DNAH7: variants seen among roughly 807,000 people sequenced by gnomAD.
DNAH7 encodes axonemal beta dynein heavy chain 7.
A neutral mutation model predicts 444.6 loss-of-function variants in DNAH7; 397 were observed. The observed-to-expected ratio is 0.89, with a 90% CI of 0.82 to 0.97. The LOEUF is 0.97. Among genes scored for constraint, DNAH7 ranks in the 50% least tolerant of loss-of-function variants. DNAH7 has a pLI of 0.00. For synonymous variants in DNAH7, 1,636 were observed against 1,624.4 expected (o/e 1.01, Z -0.17); for missense variants, 4,902 against 4,800.8 (o/e 1.02, Z -0.62).
rs530113667 is a variant in DNAH7 at position 195,948,548 on chromosome 2, A to G, written c.3078+8713T>C. On this transcript the variant is annotated intron_variant, in intron 19 of 64. Transcript: ENST00000312428. ...TCCCAACACCATTTATTAAATAGGG[A>G]ACGCCTTCCTCATTGCTTGTTTTTG... Among the ~76,000 whole-genome samples the G allele has an allele frequency of 7.9e-5, 12 of 152,276 alleles. 1 individual carries two copies. The East Asian group carries it at 2.3e-3, about 29-fold the overall frequency.
chr2:195,857,281 GC>G (rs1417279473), intron 44 of DNAH7, 95 bp downstream of exon 44: 2 of 1,068,602 alleles, frequency 1.9e-6, no homozygotes, highest in Non-Finnish European at 2.6e-6. Flanking sequence ...TTTCCAAGGA[GC>G]CTCTCACTTA....
intron 12 of DNAH7, among the ~76,000 whole-genome samples, chr2:195,993,435 A>C (rs1292003014): frequency 6.6e-6 from 1 of 152,178 alleles, no homozygotes; most frequent in Non-Finnish European, 1.5e-5. Flanking sequence ...AAATACAAAA[A>C]GTCTAAAATA....
Position 195,864,675 on chromosome 2 carries a change from G to T in DNAH7, c.6980C>A (p.Ser2327Tyr), listed in dbSNP as rs1700215256. ...RFAIEHISRI[S>Y]RILKQPRSHA... ...GCTGCGAGGCTGCTTCAGGATCCTGGAAATTCTGCTGATGTGCTCTATGGC... is the reference window on the plus strand; with the variant it reads ...GCTGCGAGGCTGCTTCAGGATCCTGTAAATTCTGCTGATGTGCTCTATGGC... Residue 2327 changes from serine (S) to tyrosine (Y), a missense_variant, in exon 41 of 65, where the codon TCC becomes TAC. Coordinates refer to ENST00000312428, the MANE Select transcript of DNAH7 (RefSeq NM_018897.3). 6.2e-7 allele frequency: 1 copy of T among 1,614,084 alleles called. No individual in the cohort carries two copies. The highest frequency in any genetic ancestry group is 1.7e-5 in the Admixed American group (1 of 60,004).
chr2:195,888,685 G>A (rs1168935670), intron 32 of DNAH7, 114 bp downstream of exon 32: 4 of 1,116,162 alleles, frequency 3.6e-6, no homozygotes, highest in South Asian at 1.7e-5. Flanking sequence ...ATCACAGATC[G>A]CTCTTAAAAG....
rs770376614 is a variant in DNAH7 at position 195,872,446 on chromosome 2, AGAAATTCATCTG to A, written c.6425_6436del (p.Pro2142_Phe2145del). The A allele has an allele frequency of 1.0e-5, 16 of 1,593,564 alleles. No individual in the cohort carries two copies. The African/African-American group carries it at 2.0e-4, about 20-fold the overall frequency. ...ATTTACGATTTGTGTGGTCAAATCT[AGAAATTCATCTG>A]GAAATTTATAACTTAAAAATTTTTT... On this transcript the variant is annotated inframe_deletion, in exon 40 of 65. Transcript: ENST00000312428.
chr2:196,001,293 C>T (rs1694019499), intron 11 of DNAH7, among the ~76,000 whole-genome samples: 1 of 152,206 alleles, frequency 6.6e-6, no homozygotes, highest in African/African-American at 2.4e-5. Flanking sequence ...ACCCAAATTT[C>T]CCAATTATGT....
chr2:195,873,627 A>G lies in DNAH7; in HGVS notation c.6354T>C (p.Phe2118=). The change falls in exon 39 of 65, where the codon TTT becomes TTC. Residue 2118 remains phenylalanine, a synonymous_variant. Transcript: ENST00000312428. Reference sequence around the variant, plus strand: ...AGATTGTATACATGGATTTATCACTAAACTCATTGATTGTTATAATATTGA... The same window carrying G: ...AGATTGTATACATGGATTTATCACTGAACTCATTGATTGTTATAATATTGA... ...RHFNIITINE[F]SDKSMYTIFS... is the part of the protein sequence containing the mutation. 6.6e-7 allele frequency: 1 copy of G among 1,526,194 alleles called. No individual in the cohort carries two copies. The allele number at this position is 1,526,194 out of a possible 1,614,324, so 94.5% of individuals were successfully genotyped here.
intron 33 of DNAH7, among the ~76,000 whole-genome samples, chr2:195,887,103 A>G (rs561566047): frequency 2.6e-5 from 4 of 152,180 alleles, no homozygotes; most frequent in South Asian, 2.1e-4. Flanking sequence ...TACATAGTAA[A>G]TAACAGGCAT....
intron 34 of DNAH7, 100 bp from the exon 35 acceptor site, chr2:195,884,909 G>A: frequency 1.1e-6 from 1 of 937,094 alleles, no homozygotes; most frequent in Non-Finnish European, 1.6e-6. Flanking sequence ...ATCTCTGAAA[G>A]GAAACACGTA....
In DNAH7 at chr2:195,886,284, G is replaced by A. The variant is rs965378010; in HGVS notation, c.5407-12C>T. The A allele has an allele frequency of 6.2e-7, 1 of 1,605,234 alleles. No homozygotes were observed. The highest frequency in any genetic ancestry group is 8.5e-7 in the Non-Finnish European group (1 of 1,176,506). ...GTAGGAGATAATTCCTGAAAAGTCA[G>A]TAAGAAAAATGACTAAACAATTTAA... On this transcript the variant is annotated splice_polypyrimidine_tract_variant and intron_variant, in intron 33 of 64. Coordinates refer to ENST00000312428, the MANE Select transcript of DNAH7 (RefSeq NM_018897.3).
Position 195,806,872 on chromosome 2 carries a change from T to A in DNAH7, c.10084-40A>T, listed in dbSNP as rs371443977. 3 of 1,531,296 alleles carry A rather than the reference T, an allele frequency of 2.0e-6. No homozygotes were observed. In the South Asian group the frequency reaches 3.4e-5, roughly 18 times the overall value. The allele number at this position is 1,531,296 out of a possible 1,614,324, so 94.9% of individuals were successfully genotyped here. On this transcript the variant is annotated intron_variant, in intron 53 of 64. Coordinates refer to ENST00000312428, the MANE Select transcript of DNAH7 (RefSeq NM_018897.3). ...TAAATAATTCAGTTATTTTGGAGAT[T>A]ATAAAGAGAACAGTATTTTCACTTA... is the stretch of plus-strand genomic sequence containing the variant.
At chr2:196,052,735 A>G (rs1011480220) in intron 2 of DNAH7, among the ~76,000 whole-genome samples, 2 of 152,230 alleles carry the variant, frequency 1.3e-5, no homozygotes, top group Non-Finnish European at 1.5e-5. Flanking sequence ...GAACGTTTCA[A>G]AAAGAAAAAG....
chr2:196,037,902 T>A (rs1445133862), intron 5 of DNAH7, among the ~76,000 whole-genome samples: 6 of 152,034 alleles, frequency 3.9e-5, no homozygotes, highest in African/African-American at 1.4e-4. Context: ...GATCCCCAAA[T>A]AGATTCAATC....
At chr2:195,969,846 A>G (rs1691724182) in intron 17 of DNAH7, 102 bp downstream of exon 17, 4 of 1,145,532 alleles carry the variant, frequency 3.5e-6, no homozygotes, top group South Asian at 3.2e-5. Flanking sequence ...AAATGTGGTT[A>G]CTGTTTTATT....
intron 30 of DNAH7, chr2:195,894,305 T>C (rs1245075343): frequency 6.6e-6 from 1 of 152,070 alleles, no homozygotes; most frequent in Non-Finnish European, 1.5e-5. Context: ...TTAGACAAAG[T>C]AGATCACAAC....
intron 1 of DNAH7, among the ~76,000 whole-genome samples, chr2:196,060,047 G>A (rs897974179): frequency 3.9e-5 from 6 of 152,046 alleles, no homozygotes; most frequent in African/African-American, 7.2e-5. Flanking sequence ...AACCCCGTCC[G>A]TACTAAAAAT....
At position 195,738,021 on chromosome 2, in the gene DNAH7, T is replaced by G; in HGVS notation, c.11975A>C (p.His3992Pro). The change falls in exon 65 of 65, where the codon CAT becomes CCT. Residue 3992 changes from histidine (H) to proline (P), a missense_variant. His to Pro is a moderately conservative substitution (Grantham distance 77). Coordinates refer to ENST00000312428, the MANE Select transcript of DNAH7 (RefSeq NM_018897.3). ...CATGGCAATCACAAAATTCGTGGAA[T>G]GGCCAGTGGTGGATAATACTCCTCT... Reference protein sequence around the residue: ...ERRGVLSTTGHSTNFVIAMTL... With the variant: ...ERRGVLSTTGPSTNFVIAMTL... 1.2e-6 allele frequency: 2 copies of G among 1,614,102 alleles called. No homozygotes were observed. The highest frequency in any genetic ancestry group is 1.7e-6 in the Non-Finnish European group (2 of 1,179,956).
intron 1 of DNAH7, chr2:196,068,495 A>C: frequency 1.4e-6 from 1 of 690,294 alleles, no homozygotes; most frequent in Non-Finnish European, 2.3e-6. Context: ...TATGACGACC[A>C]AGGGCAAACA....
chr2:195,894,656 TA>T (rs1559195616), intron 30 of DNAH7: 1 of 182,256 alleles, frequency 5.5e-6, no homozygotes, highest in Admixed American at 5.7e-5. Flanking sequence ...ATCTAGAAAA[TA>T]AAAAAGACTC....
Sources: allele counts gnomAD v4.1 joint callset (sites outside exome capture counted in the v4.1 genomes callset), GRCh38; gene constraint gnomAD v4.1.1; transcripts MANE v1.5; gene names NCBI Gene and HGNC (gene_info 2026-07-23, HGNC 2026-07-21).